Variants in RNF24 observed in about 807,000 individuals in gnomAD.
The protein encoded by RNF24 is ring finger protein 24.
A neutral mutation model predicts 20.0 loss-of-function variants in RNF24; 14 were observed. That is an observed-to-expected ratio of 0.70 (90% CI 0.46 to 1.10). The LOEUF (loss-of-function observed/expected upper bound fraction) is 1.10. Among genes scored for constraint, RNF24 ranks in the 50% least tolerant of loss-of-function variants. The probability of loss-of-function intolerance (pLI) is 0.00; values close to 1 mark genes in which losing one functional copy is unlikely to be tolerated. For synonymous variants in RNF24, 45 were observed against 61.1 expected (o/e 0.74, Z 1.23); for missense variants, 124 against 177.6 (o/e 0.70, Z 1.71).
chr20:3,952,558 A>C (rs574577506), intron 2 of RNF24, among the ~76,000 whole-genome samples: 2 of 145,974 alleles, frequency 1.4e-5, no homozygotes, highest in African/African-American at 5.1e-5. Context: ...TTCTAAATAC[A>C]CTTTTCTTTT....
At position 3,930,405 on chromosome 20, in the gene RNF24, ATGT is replaced by A. The variant is rs1288076630; in HGVS notation, c.*3655_*3657del. 6.6e-6 allele frequency: 1 copy of A among 152,122 alleles called. No homozygotes were observed. Among genetic ancestry groups the A allele is most frequent in the African/African-American group, 2.4e-5 (1 of 41,388 alleles). 9.4% of individuals were successfully genotyped at this position (152,122 alleles called of 1,614,324 possible). ...CAGAGGAGCCCATGTAACCCAGATG[ATGT>A]TATGTGGTATCAGCAGCCCCCATGA... On this transcript the variant is annotated 3_prime_UTR_variant, in exon 6 of 6. Transcript: ENST00000358395.
At chr20:4,008,687 C>T (rs2122159182) in intron 1 of RNF24, among the ~76,000 whole-genome samples, 1 of 149,754 alleles carries the variant, frequency 6.7e-6, no homozygotes, top group East Asian at 2.0e-4. Context: ...ACTGGGATTA[C>T]AGGCACCCGC....
At chr20:3,973,312 T>TA (rs1234604783) in intron 1 of RNF24, among the ~76,000 whole-genome samples, 1 of 148,770 alleles carries the variant, frequency 6.7e-6, no homozygotes, top group Non-Finnish European at 1.5e-5. Flanking sequence ...CATAAGAAAA[T>TA]AAAAAATCTC....
rs2090818775 is a variant in RNF24, at chr20:3,931,290, C to CAA, written c.*2771_*2772dup. ...GAATCCCCACGCAGCTACACAGTAA[C>CAA]AAGTCCCAGCAACTCCTGAAGATAG... is the stretch of plus-strand genomic sequence containing the variant. On this transcript the variant is annotated 3_prime_UTR_variant, in exon 6 of 6. Coordinates refer to ENST00000358395, the MANE Select transcript of RNF24 (RefSeq NM_001134337.3). 1 of 152,198 alleles carries CAA rather than the reference C, an allele frequency of 6.6e-6. No homozygotes were observed. The highest frequency in any genetic ancestry group is 1.5e-5 in the Non-Finnish European group (1 of 68,056). 9.4% of individuals were successfully genotyped at this position (152,198 alleles called of 1,614,324 possible).
rs537717849 is a variant in RNF24, at chr20:3,936,080, T to A, written c.229-1007A>T. Among the ~76,000 whole-genome samples the A allele has an allele frequency of 3.3e-5, 5 of 152,366 alleles. No individual in the cohort carries two copies. In the South Asian group the frequency reaches 1.0e-3, roughly 32 times the overall value. On this transcript the variant is annotated intron_variant, in intron 4 of 5. Transcript: ENST00000358395. Reference sequence around the variant, plus strand: ...CGTAACCCAGTCTTCTTAGATTATGTAACATGATCCAGGCAGGACATGTGG... The same window carrying A: ...CGTAACCCAGTCTTCTTAGATTATGAAACATGATCCAGGCAGGACATGTGG...
In RNF24 at chr20:3,930,135, C is replaced by A. The variant is rs991539679; in HGVS notation, c.*3928G>T. 1.3e-5 allele frequency: 2 copies of A among 152,198 alleles called. No homozygotes were observed. Among genetic ancestry groups the A allele is most frequent in the African/African-American group, 4.8e-5 (2 of 41,458 alleles). The allele number at this position is 152,198 out of a possible 1,614,324, so 9.4% of individuals were successfully genotyped here. On this transcript the variant is annotated 3_prime_UTR_variant, in exon 6 of 6. Coordinates refer to ENST00000358395, the MANE Select transcript of RNF24 (RefSeq NM_001134337.3). ...TTCATGGAGTGAGGAGCGGAGCTTG[C>A]TAGGCATCAGGAACTCAAGAAAGGC... is the stretch of plus-strand genomic sequence containing the variant.
chr20:3,997,737 G>A (rs1471374867), intron 1 of RNF24, among the ~76,000 whole-genome samples: 1 of 152,128 alleles, frequency 6.6e-6, no homozygotes, highest in Non-Finnish European at 1.5e-5. Flanking sequence ...GAAAAATATG[G>A]CTTTTGCTAA....
chr20:3,953,517 T>G (rs2091106348), intron 2 of RNF24, among the ~76,000 whole-genome samples: 1 of 145,814 alleles, frequency 6.9e-6, no homozygotes, highest in African/African-American at 2.6e-5. Context: ...CAGGCTGGAA[T>G]GCAGTGGCGC....
At position 3,974,540 on chromosome 20, in the gene RNF24, T is replaced by C. The variant is rs554682406; in HGVS notation, c.-7-10516A>G. Reference sequence around the variant, plus strand: ...TCTTCAAAAAAATTTCTAAAACTAATAAATGAGTTCAGCAAGGTTGCAGGA... The same window carrying C: ...TCTTCAAAAAAATTTCTAAAACTAACAAATGAGTTCAGCAAGGTTGCAGGA... On this transcript the variant is annotated intron_variant, in intron 1 of 5. Transcript: ENST00000358395. The C allele has an allele frequency of 7.2e-5, 56 of 780,184 alleles. No individual in the cohort carries two copies. In the African/African-American group the frequency reaches 9.6e-4, roughly 13 times the overall value. The allele number at this position is 780,184 out of a possible 1,614,324, so 48.3% of individuals were successfully genotyped here.
At chr20:3,936,657 T>C (rs1013421815) in intron 4 of RNF24, among the ~76,000 whole-genome samples, 9 of 152,198 alleles carry the variant, frequency 5.9e-5, no homozygotes, top group Non-Finnish European at 1.2e-4. Context: ...GACTGTGTGA[T>C]TGGCCCTCTG....
intron 1 of RNF24, among the ~76,000 whole-genome samples, chr20:4,000,346 A>G (rs1981288242): frequency 6.6e-6 from 1 of 152,118 alleles, no homozygotes; most frequent in Admixed American, 6.5e-5. Context: ...CAACATGGTG[A>G]AACCCTGTCT....
chr20:3,968,149 A>C (rs1176369177), intron 1 of RNF24, among the ~76,000 whole-genome samples: 1 of 151,960 alleles, frequency 6.6e-6, no homozygotes, highest in African/African-American at 2.4e-5. Flanking sequence ...ACTAAAAAAT[A>C]CAAAAATTAG....
At chr20:3,982,135 C>CAATA (rs59126901) in intron 1 of RNF24, among the ~76,000 whole-genome samples, 5 of 149,436 alleles carry the variant, frequency 3.3e-5, no homozygotes, top group African/African-American at 4.9e-5. Context: ...CTCTCTCTCT[C>CAATA]AATAAATAAA....
At chr20:3,943,593 C>T (rs1261966857) in intron 4 of RNF24, among the ~76,000 whole-genome samples, 1 of 152,120 alleles carries the variant, frequency 6.6e-6, no homozygotes, top group Non-Finnish European at 1.5e-5. Flanking sequence ...AAGAAAGCAA[C>T]TCACCATAAC....
chr20:3,930,238 G>GA lies in RNF24; in HGVS notation c.*3824dup. ...CATTAAGAAAGAAATATTCAGCACT[G>GA]AACAACCAAGTCAGAGTTCACTGTG... On this transcript the variant is annotated 3_prime_UTR_variant, in exon 6 of 6. Coordinates refer to ENST00000358395, the MANE Select transcript of RNF24 (RefSeq NM_001134337.3). 6.6e-6 allele frequency: 1 copy of GA among 152,308 alleles called. No homozygotes were observed. The highest frequency in any genetic ancestry group is 1.5e-5 in the Non-Finnish European group (1 of 68,036). 9.4% of individuals were successfully genotyped at this position (152,308 alleles called of 1,614,324 possible).
At chr20:4,006,544 A>G (rs887394198) in intron 1 of RNF24, among the ~76,000 whole-genome samples, 2 of 152,252 alleles carry the variant, frequency 1.3e-5, no homozygotes, top group Admixed American at 6.5e-5. Context: ...GTAACCTGGA[A>G]GTTACTTACA....
At chr20:3,974,528 T>C (rs763907735) in intron 1 of RNF24, 6 of 916,292 alleles carry the variant, frequency 6.5e-6, no homozygotes, top group African/African-American at 3.4e-5. Flanking sequence ...TCAAAAAAAT[T>C]TCTAAAACTA....
At chr20:4,014,607 A>G (rs1381555633) in intron 1 of RNF24, among the ~76,000 whole-genome samples, 1 of 152,184 alleles carries the variant, frequency 6.6e-6, no homozygotes, top group African/African-American at 2.4e-5. Flanking sequence ...GTGAGAAAAA[A>G]CTGTTTGAAA....
At chr20:3,954,399 A>G (rs533760467) in intron 2 of RNF24, among the ~76,000 whole-genome samples, 1 of 152,310 alleles carries the variant, frequency 6.6e-6, no homozygotes, top group East Asian at 1.9e-4. Flanking sequence ...TCCTGGTTGT[A>G]GTATGTATCA....
Sources: gnomAD v4.1 joint callset for allele counts (sites outside exome capture counted in the v4.1 genomes callset) on GRCh38, gnomAD v4.1.1 for gene constraint, MANE v1.5 for transcripts, NCBI Gene and HGNC (gene_info 2026-07-23, HGNC 2026-07-21) for gene names.